The following KIAA1549L variants were observed in gnomAD, a reference collection of about 807,000 sequenced individuals.
KIAA1549L encodes the protein KIAA1549 like.
In KIAA1549L, 88 loss-of-function variants were observed where a neutral mutation model predicts 160.7. The ratio of observed to expected loss-of-function variants is 0.55; its 90% CI spans 0.46 to 0.65. The LOEUF (loss-of-function observed/expected upper bound fraction) is 0.65, where lower values mean the gene tolerates loss of function less well. KIAA1549L is among the 30% of genes least tolerant of loss of function. The pLI, the probability that KIAA1549L is intolerant of heterozygous loss-of-function variation, is 0.00. For synonymous variants in KIAA1549L, 950 were observed against 976.7 expected, an observed-to-expected ratio of 0.97 and a Z score of 0.51; for missense variants, 2,258 against 2,437.5, an observed-to-expected ratio of 0.93 and a Z score of 1.55.
intron 20 of KIAA1549L, among the ~76,000 whole-genome samples, chr11:33,667,067 C>G (rs928616692): frequency 6.6e-6 from 1 of 152,142 alleles, no homozygotes; most frequent in African/African-American, 2.4e-5. Flanking sequence ...CATGGTGGTA[C>G]CCACCTGTAG....
chr11:33,598,912 A>C lies in KIAA1549L; in HGVS notation c.4844A>C (p.Gln1615Pro). ...RRSPQNVMAQ[Q>P]KVTKEEARKR... ...TCACCCCAGAATGTAATGGCACAGCAGAAAGTGACAAAGGAGGAGGCAAGG... is the reference window on the plus strand; with the variant it reads ...TCACCCCAGAATGTAATGGCACAGCCGAAAGTGACAAAGGAGGAGGCAAGG... The change falls in exon 13 of 21, where the codon CAG becomes CCG. Residue 1615 changes from glutamine (Q) to proline (P), a missense_variant. By Grantham distance (76) the Gln-to-Pro change is moderately conservative. Transcript: ENST00000658780. 6.2e-7 allele frequency: 1 copy of C among 1,613,840 alleles called. No homozygotes were observed. Among genetic ancestry groups the C allele is most frequent in the Non-Finnish European group, 8.5e-7 (1 of 1,179,828 alleles).
At chr11:33,456,207 T>G (rs1469709333) in intron 1 of KIAA1549L, among the ~76,000 whole-genome samples, 5 of 152,208 alleles carry the variant, frequency 3.3e-5, no homozygotes, top group African/African-American at 1.2e-4. Flanking sequence ...TTTCTCAGTC[T>G]TACAGAACTC....
chr11:33,507,833 A>AT, intron 1 of KIAA1549L, among the ~76,000 whole-genome samples: 1 of 152,202 alleles, frequency 6.6e-6, no homozygotes, highest in East Asian at 1.9e-4. Context: ...TTAGGGTTCG[A>AT]TTGCAGACAA....
chr11:33,623,241 A>G (rs1428000852), intron 16 of KIAA1549L, among the ~76,000 whole-genome samples: 1 of 152,182 alleles, frequency 6.6e-6, no homozygotes, highest in African/African-American at 2.4e-5. Context: ...GGGTACAACC[A>G]GCTTGTTGCT....
chr11:33,467,689 A>T, intron 1 of KIAA1549L, among the ~76,000 whole-genome samples: 1 of 152,194 alleles, frequency 6.6e-6, no homozygotes, highest in Non-Finnish European at 1.5e-5. Context: ...AGTAGATTCC[A>T]TTTTTGTTTC....
At chr11:33,385,618 A>C (rs1475351531) in intron 1 of KIAA1549L, among the ~76,000 whole-genome samples, 12 of 152,126 alleles carry the variant, frequency 7.9e-5, no homozygotes, top group African/African-American at 1.2e-4. Context: ...CTTTTTGGCT[A>C]TTCTAGGTCT....
intron 17 of KIAA1549L, among the ~76,000 whole-genome samples, chr11:33,653,344 A>T (rs556445707): frequency 1.3e-5 from 2 of 152,352 alleles, no homozygotes; most frequent in South Asian, 4.1e-4. Flanking sequence ...TTCAGTCAGT[A>T]CTTCTGGATC....
At chr11:33,623,881 A>G (rs1040880720) in intron 16 of KIAA1549L, among the ~76,000 whole-genome samples, 2 of 152,176 alleles carry the variant, frequency 1.3e-5, no homozygotes, top group African/African-American at 4.8e-5. Context: ...CTCAAGTGCT[A>G]TCTGCCTGCA....
chr11:33,489,991 G>A (rs1852620449), intron 1 of KIAA1549L, among the ~76,000 whole-genome samples: 1 of 152,136 alleles, frequency 6.6e-6, no homozygotes, highest in Admixed American at 6.5e-5. Context: ...ACTTCTTACA[G>A]TTGTAAGAAT....
chr11:33,630,900 C>T (rs1590417055), intron 16 of KIAA1549L, among the ~76,000 whole-genome samples: 1 of 152,162 alleles, frequency 6.6e-6, no homozygotes, highest in Admixed American at 6.5e-5. Context: ...TATGAGATTC[C>T]ACTGTATCAA....
chr11:33,522,660 C>T (rs1853523280), intron 1 of KIAA1549L, among the ~76,000 whole-genome samples: 1 of 152,158 alleles, frequency 6.6e-6, no homozygotes, highest in Non-Finnish European at 1.5e-5. Flanking sequence ...CTTTGGGAGG[C>T]TAAGGCAGGA....
intron 1 of KIAA1549L, among the ~76,000 whole-genome samples, chr11:33,485,651 T>G (rs1303339546): frequency 6.6e-6 from 1 of 152,190 alleles, no homozygotes; most frequent in Admixed American, 6.5e-5. Flanking sequence ...GTGAGAACAT[T>G]TAAAATCTCA....
rs752572523 is a variant in KIAA1549L, at chr11:33,544,806, C to G, written c.2813C>G (p.Ala938Gly). ...TCTAAGGTACAGCCAACAGCAGCAG[C>G]TGCCGTCACATTGTTTCTGAGGAAA... ...VSSKVQPTAA[A>G]AVTLFLRKSS... Residue 938 changes from alanine to glycine, a missense_variant, in exon 3 of 21, where the codon GCT (alanine) becomes GGT (glycine). Ala to Gly is a moderately conservative substitution (Grantham distance 60, BLOSUM62 0). Coordinates refer to ENST00000658780, the MANE Select transcript of KIAA1549L (RefSeq NM_012194.3). The G allele has an allele frequency of 6.2e-7, 1 of 1,608,324 alleles. No homozygotes were observed. The highest frequency in any genetic ancestry group is 8.5e-7 in the Non-Finnish European group (1 of 1,175,498).
At chr11:33,505,204 C>A (rs1328625173) in intron 1 of KIAA1549L, among the ~76,000 whole-genome samples, 2 of 152,228 alleles carry the variant, frequency 1.3e-5, no homozygotes, top group Non-Finnish European at 2.9e-5. Context: ...CTGTATCCTC[C>A]TGCTCGCCTC....
Position 33,671,441 on chromosome 11 carries a change from G to C in KIAA1549L, c.*3287G>C, listed in dbSNP as rs1852670763. 6.6e-6 allele frequency: 1 copy of C among 152,166 alleles called. No individual in the cohort carries two copies. The highest frequency in any genetic ancestry group is 1.5e-5 in the Non-Finnish European group (1 of 68,054). The allele number at this position is 152,166 out of a possible 1,614,324, so 9.4% of individuals were successfully genotyped here. A position where few individuals can be genotyped will look rare whatever the true frequency, so the allele number is the denominator to read the frequency against. ...ACAGAGCAAGGAGTTTCCTCTTTCA[G>C]GGTAGATTATGTAAGAATCAATTCC... On this transcript the variant is annotated 3_prime_UTR_variant, in exon 21 of 21. Coordinates refer to ENST00000658780, the MANE Select transcript of KIAA1549L (RefSeq NM_012194.3).
At chr11:33,592,430 A>G (rs986138961) in intron 12 of KIAA1549L, among the ~76,000 whole-genome samples, 1 of 152,228 alleles carries the variant, frequency 6.6e-6, no homozygotes, top group Non-Finnish European at 1.5e-5. Context: ...AATGAACCCT[A>G]TGGCAAGCCG....
At chr11:33,647,920 A>G (rs1457265829) in intron 17 of KIAA1549L, among the ~76,000 whole-genome samples, 2 of 152,232 alleles carry the variant, frequency 1.3e-5, no homozygotes, top group East Asian at 1.9e-4. Flanking sequence ...AAATGAAGCC[A>G]CCTACAGTGG....
At position 33,543,384 on chromosome 11, in the gene KIAA1549L, C is replaced by G; in HGVS notation, c.1821C>G (p.Val607=). 1 of 1,614,012 alleles carries G rather than the reference C, an allele frequency of 6.2e-7. No homozygotes were observed. The highest frequency in any genetic ancestry group is 1.6e-4 in the Middle Eastern group (1 of 6,062). Residue 607 remains valine, a synonymous_variant, in exon 2 of 21, where the codon GTC becomes GTG. Transcript: ENST00000658780. ...GFVSDFSTGS[V]SSPIITAPRT... is the part of the protein sequence containing the mutation. ...TCTCTGATTTCAGCACCGGTAGTGT[C>G]TCATCTCCCATCATTACAGCACCAA...
intron 1 of KIAA1549L, among the ~76,000 whole-genome samples, chr11:33,462,845 C>T (rs530108989): frequency 1.3e-5 from 2 of 152,026 alleles, no homozygotes; most frequent in South Asian, 4.2e-4. Flanking sequence ...TTCTCTCTCT[C>T]TCTTTTTTTG....
Sources: allele counts gnomAD v4.1 joint callset (sites outside exome capture counted in the v4.1 genomes callset), GRCh38; gene constraint gnomAD v4.1.1; transcripts MANE v1.5; gene names NCBI Gene and HGNC (gene_info 2026-07-23, HGNC 2026-07-21).